CIRSR: variants seen among roughly 807,000 people sequenced by gnomAD.
CIRSR encodes corepressor of RBPJ and splicing regulator, also known as CBF1 (RBPJ) interacting corepressor 1.
the CIRSR span, chr2:174,351,715 C>G: frequency 1.9e-6 from 3 of 1,611,884 alleles, no homozygotes; most frequent in Non-Finnish European, 1.7e-6. Flanking sequence ...CCGAGGGGTG[C>G]ATCGATGGCC....
the CIRSR span, among the ~76,000 whole-genome samples, chr2:174,355,617 G>A: frequency 6.6e-6 from 1 of 152,084 alleles, no homozygotes; most frequent in African/African-American, 2.4e-5. Flanking sequence ...AAAATACCAT[G>A]AAATCGAGTC....
the CIRSR span, chr2:174,380,824 A>G: frequency 6.8e-5 from 108 of 1,584,498 alleles, no homozygotes; most frequent in Non-Finnish European, 8.7e-5. Flanking sequence ...TCTTGATTGC[A>G]TATCAAAAAT....
At chr2:174,351,507 T>C in the CIRSR span, 1 of 759,340 alleles carries the variant, frequency 1.3e-6, no homozygotes, top group Non-Finnish European at 2.1e-6. Flanking sequence ...TTCTTTGCTC[T>C]ATCTTACTTT....
chr2:174,367,749 A>C, the CIRSR span, among the ~76,000 whole-genome samples: 1 of 149,982 alleles, frequency 6.7e-6, no homozygotes, highest in Non-Finnish European at 1.5e-5. Flanking sequence ...GTCTCTTAAA[A>C]AAAAAAAAAA....
At chr2:174,361,854 A>AT in the CIRSR span, among the ~76,000 whole-genome samples, 5 of 151,586 alleles carry the variant, frequency 3.3e-5, no homozygotes, top group Non-Finnish European at 5.9e-5. Flanking sequence ...GGCAATTCTT[A>AT]TTTTTTTTTA....
the CIRSR span, chr2:174,358,446 C>A: frequency 6.4e-6 from 1 of 156,686 alleles, no homozygotes; most frequent in South Asian, 1.7e-4. Flanking sequence ...TCATGTTGGT[C>A]AGGCTGGTCT....
chr2:174,349,070 G>A, the CIRSR span: 3 of 1,577,928 alleles, frequency 1.9e-6, no homozygotes, highest in Middle Eastern at 1.8e-4. Flanking sequence ...AGGAAGATGA[G>A]GAAGAAGAGG....
the CIRSR span, among the ~76,000 whole-genome samples, chr2:174,392,349 TTACTTAACTCCATGAA>T: frequency 1.3e-5 from 2 of 152,302 alleles, no homozygotes; most frequent in Middle Eastern, 3.4e-3. Context: ...GTGGTAATGA[TTACTTAACTCCATGAA>T]TACATTTTAA....
chr2:174,356,289 G>A, the CIRSR span, among the ~76,000 whole-genome samples: 1 of 151,798 alleles, frequency 6.6e-6, no homozygotes, highest in Non-Finnish European at 1.5e-5. Flanking sequence ...AACATGGTGA[G>A]ACCCTGTCTC....
chr2:174,391,046 T>C, the CIRSR span, among the ~76,000 whole-genome samples: 3 of 152,208 alleles, frequency 2.0e-5, no homozygotes, highest in South Asian at 2.1e-4. Context: ...AAACACTTTC[T>C]TCTTTTGGGT....
chr2:174,356,524 A>ACAGG, the CIRSR span, among the ~76,000 whole-genome samples: 1 of 143,506 alleles, frequency 7.0e-6, no homozygotes, highest in Admixed American at 7.2e-5. Flanking sequence ...AGAAAGAAAG[A>ACAGG]AAGAAGAAAG....
chr2:174,350,180 G>T, the CIRSR span, among the ~76,000 whole-genome samples: 1 of 152,064 alleles, frequency 6.6e-6, no homozygotes, highest in Non-Finnish European at 1.5e-5. Flanking sequence ...TCTACATACT[G>T]AAAGCATCAT....
chr2:174,384,374 G>T, the CIRSR span, among the ~76,000 whole-genome samples: 2 of 152,182 alleles, frequency 1.3e-5, no homozygotes, highest in Non-Finnish European at 2.9e-5. Context: ...GGGCCAAGGG[G>T]AATAGGGAAT....
At chr2:174,388,829 G>T in the CIRSR span, among the ~76,000 whole-genome samples, 1 of 152,090 alleles carries the variant, frequency 6.6e-6, no homozygotes, top group Non-Finnish European at 1.5e-5. Context: ...GGAGGGACCC[G>T]GTGGGATGTA....
At chr2:174,395,081 G>A in the CIRSR span, among the ~76,000 whole-genome samples, 2 of 152,184 alleles carry the variant, frequency 1.3e-5, no homozygotes, top group African/African-American at 2.4e-5. Context: ...ACAACTGGTA[G>A]ACCTGTAATT....
At chr2:174,372,310 G>A in the CIRSR span, among the ~76,000 whole-genome samples, 9 of 152,026 alleles carry the variant, frequency 5.9e-5, no homozygotes, top group East Asian at 1.4e-3. Context: ...ATTAAAAGTC[G>A]CAAGTAATCC....
At chr2:174,365,856 C>G in the CIRSR span, among the ~76,000 whole-genome samples, 1 of 152,106 alleles carries the variant, frequency 6.6e-6, no homozygotes, top group African/African-American at 2.4e-5. Context: ...GCAAAAGCCA[C>G]AGTCTCAAGA....
At chr2:174,348,313 T>C in the CIRSR span, 618,070 of 874,858 alleles carry the variant, frequency 0.71, 225,538 homozygotes, top group South Asian at 0.78. Flanking sequence ...AATTCATTCT[T>C]ATAGTACTCA....
chr2:174,383,517 C>T, the CIRSR span, among the ~76,000 whole-genome samples: 27 of 151,660 alleles, frequency 1.8e-4, no homozygotes, highest in East Asian at 1.6e-3. Context: ...GTCAGGAGTT[C>T]GAGACCAGCT....
Sources: allele counts gnomAD v4.1 joint callset (sites outside exome capture counted in the v4.1 genomes callset), GRCh38; gene constraint gnomAD v4.1.1; transcripts MANE v1.5; gene names NCBI Gene and HGNC (gene_info 2026-07-23, HGNC 2026-07-21).